QPCT: variants seen among roughly 807,000 people sequenced by gnomAD.
QPCT encodes glutaminyl-peptide cyclotransferase.
A neutral mutation model predicts 43.4 loss-of-function variants in QPCT; 44 were observed. That is an observed-to-expected ratio of 1.01 (90% CI 0.80 to 1.30). The LOEUF is 1.30. QPCT is among the 50% of genes most tolerant of loss of function. QPCT has a pLI of 0.00. For synonymous variants in QPCT, 168 were observed against 168.4 expected (o/e 1.00, Z 0.02); for missense variants, 526 against 436.5 (o/e 1.21, Z -1.83).
At position 37,372,485 on chromosome 2, in the gene QPCT, T is replaced by C; in HGVS notation, c.940+13T>C. 6.3e-7 allele frequency: 1 copy of C among 1,593,822 alleles called. No homozygotes were observed. The highest frequency in any genetic ancestry group is 8.6e-7 in the Non-Finnish European group (1 of 1,161,720). ...TTTTTAAGAAGAGGTAATGTGTGTG[T>C]GTGTGTGTGTTTGTGTGTGTGTGCG... On this transcript the variant is annotated intron_variant, in intron 6 of 6. Transcript: ENST00000338415.
intron 2 of QPCT, among the ~76,000 whole-genome samples, chr2:37,358,108 G>GAAAAAA (rs553371602): frequency 1.8e-5 from 2 of 109,972 alleles, no homozygotes. Context: ...TATGATACTT[G>GAAAAAA]AAAAAAAAAA....
At chr2:37,354,067 G>A (rs1382562534) in intron 2 of QPCT, among the ~76,000 whole-genome samples, 5 of 152,190 alleles carry the variant, frequency 3.3e-5, no homozygotes, top group South Asian at 2.1e-4. Flanking sequence ...GTTTCACCAC[G>A]TTGGCCAGGA....
chr2:37,360,595 G>C (rs901505251), intron 3 of QPCT, among the ~76,000 whole-genome samples: 2 of 152,112 alleles, frequency 1.3e-5, no homozygotes, highest in Non-Finnish European at 2.9e-5. Context: ...TTTGTTCCCC[G>C]CTCAGAGCTT....
intron 3 of QPCT, among the ~76,000 whole-genome samples, chr2:37,360,376 C>A (rs188109349): frequency 6.6e-6 from 1 of 152,094 alleles, no homozygotes; most frequent in Non-Finnish European, 1.5e-5. Flanking sequence ...AATCTCAGCT[C>A]CATTTTATGT....
chr2:37,351,346 C>G, intron 1 of QPCT, among the ~76,000 whole-genome samples: 1 of 152,142 alleles, frequency 6.6e-6, no homozygotes, highest in Non-Finnish European at 1.5e-5. Flanking sequence ...TAACACATTC[C>G]ATTATTAGGT....
intron 2 of QPCT, among the ~76,000 whole-genome samples, chr2:37,355,971 A>G (rs1672735357): frequency 6.6e-6 from 1 of 152,116 alleles, no homozygotes; most frequent in Admixed American, 6.5e-5. Context: ...CGAGGGACTC[A>G]TATATGGTGC....
At chr2:37,361,796 A>T (rs1228108004) in intron 3 of QPCT, among the ~76,000 whole-genome samples, 1 of 152,178 alleles carries the variant, frequency 6.6e-6, no homozygotes, top group African/African-American at 2.4e-5. Flanking sequence ...TTATTGCAAC[A>T]TTAGCTAACT....
At chr2:37,355,420 G>C (rs1187374172) in intron 2 of QPCT, among the ~76,000 whole-genome samples, 1 of 151,322 alleles carries the variant, frequency 6.6e-6, no homozygotes, top group Admixed American at 6.6e-5. Flanking sequence ...AGGCCTTTTT[G>C]AACACTAGAT....
intron 1 of QPCT, among the ~76,000 whole-genome samples, chr2:37,351,992 G>T (rs1035744324): frequency 1.3e-5 from 2 of 149,846 alleles, no homozygotes; most frequent in African/African-American, 4.9e-5. Context: ...TTGCACCACT[G>T]CACTCCAGCC....
chr2:37,356,471 G>C (rs1203805340), intron 2 of QPCT, among the ~76,000 whole-genome samples: 1 of 152,122 alleles, frequency 6.6e-6, no homozygotes, highest in African/African-American at 2.4e-5. Flanking sequence ...ATTGGGGAAG[G>C]CAGCTGCTTT....
rs112450688 is a variant in QPCT at position 37,372,492 on chromosome 2, G to A, written c.940+20G>A. On this transcript the variant is annotated intron_variant, in intron 6 of 6. Coordinates refer to ENST00000338415, the MANE Select transcript of QPCT (RefSeq NM_012413.4). ...GAAGAGGTAATGTGTGTGTGTGTGT[G>A]TGTTTGTGTGTGTGTGCGTGCACAG... 3.9e-5 allele frequency: 61 copies of A among 1,561,168 alleles called. 1 individual carries two copies. The African/African-American group carries it at 4.6e-4, about 12-fold the overall frequency.
chr2:37,363,288 T>G (rs1672890873), intron 3 of QPCT, among the ~76,000 whole-genome samples: 1 of 152,006 alleles, frequency 6.6e-6, no homozygotes, highest in Non-Finnish European at 1.5e-5. Flanking sequence ...TTAACATGAA[T>G]GAACACAAAG....
rs536808768 is a variant in QPCT at position 37,356,026 on chromosome 2, C to T, written c.267+3091C>T. 5.3e-5 allele frequency among the ~76,000 whole-genome samples: 8 copies of T among 152,234 alleles called. No individual in the cohort carries two copies. In the South Asian group the frequency reaches 6.2e-4, roughly 12 times the overall value. On this transcript the variant is annotated intron_variant, in intron 2 of 6. Coordinates refer to ENST00000338415, the MANE Select transcript of QPCT (RefSeq NM_012413.4). ...CCCGAGTCTTCAGGTGGCAGATGTC[C>T]GCATCCTGACGACGATGTGTTTGCA...
chr2:37,371,549 G>C (rs1168704178), intron 5 of QPCT, among the ~76,000 whole-genome samples: 1 of 151,498 alleles, frequency 6.6e-6, no homozygotes, highest in Non-Finnish European at 1.5e-5. Flanking sequence ...AATGTTTCTA[G>C]AATCATATTA....
chr2:37,369,251 A>G (rs1050272030), intron 4 of QPCT, among the ~76,000 whole-genome samples: 4 of 152,238 alleles, frequency 2.6e-5, no homozygotes, highest in African/African-American at 9.6e-5. Context: ...TACTTGATCA[A>G]TAAATAGTTA....
At chr2:37,346,941 T>G (rs1284900706) in intron 1 of QPCT, among the ~76,000 whole-genome samples, 1 of 151,634 alleles carries the variant, frequency 6.6e-6, no homozygotes, top group East Asian at 1.9e-4. Flanking sequence ...CGTTTTGAAA[T>G]AAAGATGTTT....
At chr2:37,371,302 A>C (rs928001928) in intron 5 of QPCT, among the ~76,000 whole-genome samples, 1 of 151,970 alleles carries the variant, frequency 6.6e-6, no homozygotes, top group Non-Finnish European at 1.5e-5. Context: ...ACCTTCATTC[A>C]ATTTTAACCC....
At chr2:37,367,481 T>C (rs1672985631) in intron 4 of QPCT, 73 bp downstream of exon 4, 3 of 1,442,794 alleles carry the variant, frequency 2.1e-6, no homozygotes, top group Non-Finnish European at 2.8e-6. Flanking sequence ...AAAAGCCAAG[T>C]AAAGACCTAA....
intron 3 of QPCT, among the ~76,000 whole-genome samples, chr2:37,361,695 C>T (rs1203478328): frequency 2.0e-5 from 3 of 152,202 alleles, no homozygotes; most frequent in Admixed American, 1.3e-4. Flanking sequence ...AGATCAGCTG[C>T]TCCCTAGCTG....
Sources: gnomAD v4.1 joint callset for allele counts (sites outside exome capture counted in the v4.1 genomes callset) on GRCh38, gnomAD v4.1.1 for gene constraint, MANE v1.5 for transcripts, NCBI Gene and HGNC (gene_info 2026-07-23, HGNC 2026-07-21) for gene names.